Variants in NTN1 observed in about 807,000 individuals in gnomAD.
NTN1 encodes the protein netrin-1.
Under a neutral mutation model 54.2 loss-of-function variants are expected in NTN1, and 11 were observed. That is an observed-to-expected ratio of 0.20 (90% CI 0.13 to 0.34). NTN1 has a LOEUF of 0.34. Ranked by LOEUF, NTN1 falls within the 10% of genes least tolerant of loss-of-function variation. The pLI is 1.00. For synonymous variants in NTN1, 371 were observed against 382.0 expected (o/e 0.97, Z 0.33); for missense variants, 740 against 893.1 (o/e 0.83, Z 2.18).
chr17:9,161,218 T>C (rs1327822948), intron 2 of NTN1, among the ~76,000 whole-genome samples: 4 of 151,816 alleles, frequency 2.6e-5, no homozygotes, highest in Non-Finnish European at 5.9e-5. Flanking sequence ...GGAAGTAACA[T>C]TGGAACCAAG....
At chr17:9,176,990 G>A (rs1447458436) in intron 3 of NTN1, 1 of 152,250 alleles carries the variant, frequency 6.6e-6, no homozygotes, top group African/African-American at 2.4e-5. Context: ...GAGTTGGCAC[G>A]GGGCAGCTAC....
At chr17:9,194,200 C>T (rs923457297) in intron 5 of NTN1, among the ~76,000 whole-genome samples, 4 of 151,502 alleles carry the variant, frequency 2.6e-5, no homozygotes, top group African/African-American at 9.7e-5. Context: ...TGTGCCACTG[C>T]ACTCCAGCCT....
At chr17:9,140,445 C>T (rs540584867) in intron 2 of NTN1, among the ~76,000 whole-genome samples, 1 of 152,300 alleles carries the variant, frequency 6.6e-6, no homozygotes, top group African/African-American at 2.4e-5. Context: ...CATCTCTGAG[C>T]TGGCATTTGT....
Position 9,202,528 on chromosome 17 carries a change from G to A in NTN1, c.1412-18640G>A, listed in dbSNP as rs1024404823. On this transcript the variant is annotated intron_variant, in intron 5 of 6. Coordinates refer to ENST00000173229, the MANE Select transcript of NTN1 (RefSeq NM_004822.3). ...AACCCGATACCTTTATTCTCCATGT[G>A]AGAAGGTAGCAGAATTTGGTCTTGC... 8.7e-4 allele frequency among the ~76,000 whole-genome samples: 132 copies of A among 152,198 alleles called. 3 individuals are homozygous for A. The highest frequency in any genetic ancestry group is 7.7e-4 in the East Asian group (4 of 5,204).
intron 2 of NTN1, among the ~76,000 whole-genome samples, chr17:9,092,829 G>C (rs1371884901): frequency 6.6e-6 from 1 of 151,968 alleles, no homozygotes; most frequent in Non-Finnish European, 1.5e-5. Flanking sequence ...TGCAATCTCA[G>C]CTCACTGCAA....
chr17:9,071,281 T>C (rs549397750), intron 2 of NTN1, among the ~76,000 whole-genome samples: 1 of 152,088 alleles, frequency 6.6e-6, no homozygotes, highest in African/African-American at 2.4e-5. Flanking sequence ...TTTTCTTCCA[T>C]GTTTCTCAAG....
At chr17:9,054,752 G>A (rs72809959) in intron 2 of NTN1, among the ~76,000 whole-genome samples, 17,932 of 152,080 alleles carry the variant, frequency 0.12, 1,440 homozygotes, top group Non-Finnish European at 0.17. Context: ...TGAGCCTCTC[G>A]GTGGGCCCGG....
chr17:9,054,684 G>A (rs1250610511), intron 2 of NTN1, among the ~76,000 whole-genome samples: 1 of 152,084 alleles, frequency 6.6e-6, no homozygotes, highest in African/African-American at 2.4e-5. Context: ...TGAGTTTGGC[G>A]AGCTCGCAGG....
At chr17:9,144,398 TAAGG>T (rs1271721488) in intron 2 of NTN1, among the ~76,000 whole-genome samples, 5 of 152,182 alleles carry the variant, frequency 3.3e-5, no homozygotes, top group African/African-American at 1.2e-4. Flanking sequence ...CATTCCTAGA[TAAGG>T]AAACTGAGGC....
intron 2 of NTN1, among the ~76,000 whole-genome samples, chr17:9,131,897 A>G (rs1002305818): frequency 6.6e-5 from 10 of 151,400 alleles, no homozygotes; most frequent in African/African-American, 1.9e-4. Context: ...TCTGCCTCCT[A>G]GGTTCAAGCA....
At chr17:9,176,737 A>T (rs115209318) in intron 3 of NTN1, 3 of 152,216 alleles carry the variant, frequency 2.0e-5, no homozygotes, top group African/African-American at 7.2e-5. Flanking sequence ...ACATCATATT[A>T]TAAGATAGGA....
chr17:9,227,937 C>T (rs1452171279), intron 6 of NTN1, among the ~76,000 whole-genome samples: 2 of 152,048 alleles, frequency 1.3e-5, no homozygotes, highest in Non-Finnish European at 2.9e-5. Flanking sequence ...ATGCACACAC[C>T]ATTACACACA....
intron 2 of NTN1, among the ~76,000 whole-genome samples, chr17:9,116,548 C>T (rs1358611943): frequency 6.6e-6 from 1 of 152,208 alleles, no homozygotes; most frequent in Non-Finnish European, 1.5e-5. Context: ...ATTTCACTGA[C>T]AAAGCTTAAA....
At chr17:9,235,025 C>A (rs28558684) in intron 6 of NTN1, among the ~76,000 whole-genome samples, 1 of 140,306 alleles carries the variant, frequency 7.1e-6, no homozygotes, top group East Asian at 2.3e-4. Context: ...TGCAGTGGTG[C>A]GATCTCGGCT....
chr17:9,225,958 G>A (rs1013999356), intron 6 of NTN1, among the ~76,000 whole-genome samples: 4 of 152,208 alleles, frequency 2.6e-5, no homozygotes, highest in Admixed American at 2.6e-4. Context: ...CCCTCGTGTG[G>A]CTGAAGAGCG....
intron 3 of NTN1, chr17:9,174,706 C>T (rs1034943059): frequency 1.3e-5 from 2 of 152,272 alleles, no homozygotes; most frequent in Non-Finnish European, 2.9e-5. Context: ...TTAATCAGCT[C>T]TTTAAAGCCC....
intron 3 of NTN1, among the ~76,000 whole-genome samples, chr17:9,163,977 C>T (rs1431238500): frequency 6.6e-6 from 1 of 152,242 alleles, no homozygotes; most frequent in Admixed American, 6.5e-5. Flanking sequence ...CCCGAACACA[C>T]CAGGGTCCCA....
intron 2 of NTN1, among the ~76,000 whole-genome samples, chr17:9,132,806 G>A (rs1367672532): frequency 6.6e-6 from 1 of 152,114 alleles, no homozygotes; most frequent in Non-Finnish European, 1.5e-5. Flanking sequence ...CCCAGGAGGT[G>A]GAGATTGTGG....
chr17:9,060,029 T>C (rs1425753466), intron 2 of NTN1, among the ~76,000 whole-genome samples: 1 of 152,096 alleles, frequency 6.6e-6, no homozygotes, highest in Non-Finnish European at 1.5e-5. Flanking sequence ...AATGGGAGTG[T>C]ACATATCTAT....
Sources: allele counts gnomAD v4.1 joint callset (sites outside exome capture counted in the v4.1 genomes callset), GRCh38; gene constraint gnomAD v4.1.1; transcripts MANE v1.5; gene names NCBI Gene and HGNC (gene_info 2026-07-23, HGNC 2026-07-21).